The following RASSF6 variants were observed in gnomAD, a reference collection of about 807,000 sequenced individuals.
The protein encoded by RASSF6 is Ras association domain family member 6.
RASSF6 carries 52 observed loss-of-function variants against 44.0 expected under a neutral mutation model. The ratio of observed to expected loss-of-function variants is 1.18; its 90% CI spans 0.95 to 1.49. The LOEUF (loss-of-function observed/expected upper bound fraction) is 1.49, where lower values mean the gene tolerates loss of function less well. Ranked by LOEUF, RASSF6 falls within the 40% of genes most tolerant of loss-of-function variation. The probability of loss-of-function intolerance (pLI) is 0.00; values close to 1 mark genes in which losing one functional copy is unlikely to be tolerated. For synonymous variants in RASSF6, 162 were observed against 124.6 expected (o/e 1.30, Z -2.00); for missense variants, 464 against 393.3 (o/e 1.18, Z -1.52).
At chr4:73,593,819 G>A (rs1337784058) in intron 3 of RASSF6, among the ~76,000 whole-genome samples, 2 of 152,100 alleles carry the variant, frequency 1.3e-5, no homozygotes, top group Non-Finnish European at 2.9e-5. Flanking sequence ...AAATCATAAT[G>A]GTAATGGCAT....
At chr4:73,588,913 C>G (rs569850842) in intron 4 of RASSF6, among the ~76,000 whole-genome samples, 3 of 152,076 alleles carry the variant, frequency 2.0e-5, no homozygotes, top group Middle Eastern at 3.4e-3. Flanking sequence ...TTGCTATTAT[C>G]TAAGAATCTC....
intron 1 of RASSF6, among the ~76,000 whole-genome samples, chr4:73,612,360 A>G (rs1726069286): frequency 6.6e-6 from 1 of 152,110 alleles, no homozygotes; most frequent in African/African-American, 2.4e-5. Flanking sequence ...TGTAAAGTAT[A>G]ATATTTTCTG....
At chr4:73,609,026 C>T (rs1038540319) in intron 2 of RASSF6, among the ~76,000 whole-genome samples, 1 of 152,154 alleles carries the variant, frequency 6.6e-6, no homozygotes, top group Non-Finnish European at 1.5e-5. Flanking sequence ...TTTATTACAT[C>T]ATGTTAATTA....
In RASSF6 at chr4:73,590,813, A is replaced by G. The variant is rs571757413; in HGVS notation, c.287+2638T>C. 1.2e-4 allele frequency among the ~76,000 whole-genome samples: 18 copies of G among 152,344 alleles called. No homozygotes were observed. The East Asian group carries it at 2.9e-3, about 24-fold the overall frequency. On this transcript the variant is annotated intron_variant, in intron 4 of 10. Coordinates refer to ENST00000307439, the MANE Select transcript of RASSF6 (RefSeq NM_177532.5). ...TTCTACAGTTAATCTTGTTACTGGA[A>G]AAGGACAAGCCAGTCAAGGTTTCTA...
chr4:73,598,106 CT>C (rs1725055765), intron 3 of RASSF6, among the ~76,000 whole-genome samples: 1 of 152,170 alleles, frequency 6.6e-6, no homozygotes, highest in Non-Finnish European at 1.5e-5. Context: ...ACTTGTACCC[CT>C]GAACTTAAAA....
intron 8 of RASSF6, among the ~76,000 whole-genome samples, chr4:73,581,596 CTCTT>C (rs1367638800): frequency 6.6e-6 from 1 of 152,182 alleles, no homozygotes; most frequent in African/African-American, 2.4e-5. Context: ...AACAAGCAAA[CTCTT>C]TCATATAATC....
chr4:73,588,447 T>C (rs1560446182), intron 4 of RASSF6, among the ~76,000 whole-genome samples: 1 of 151,972 alleles, frequency 6.6e-6, no homozygotes, highest in African/African-American at 2.4e-5. Flanking sequence ...AGGAGGAAAA[T>C]GTATGAGAAT....
rs1723020143 is a variant in RASSF6 at position 73,573,358 on chromosome 4, C to T, written c.*2877G>A. 6.6e-6 allele frequency: 1 copy of T among 152,178 alleles called. No homozygotes were observed. The highest frequency in any genetic ancestry group is 1.5e-5 in the Non-Finnish European group (1 of 68,056). The allele number at this position is 152,178 out of a possible 1,614,324, so 9.4% of individuals were successfully genotyped here. On this transcript the variant is annotated 3_prime_UTR_variant, in exon 11 of 11. Transcript: ENST00000307439. ...GGCCAGGCTGGTCTCGAAATCCCAA[C>T]CTCAAGTGATCCACCTACCTTGGCC...
At chr4:73,619,809 G>C (rs140637644) in intron 1 of RASSF6, among the ~76,000 whole-genome samples, 8 of 151,730 alleles carry the variant, frequency 5.3e-5, no homozygotes, top group Non-Finnish European at 1.0e-4. Flanking sequence ...TTGGTGGGGG[G>C]CATGCTTTCT....
chr4:73,606,634 T>A (rs1041356477), intron 2 of RASSF6, among the ~76,000 whole-genome samples: 1 of 36,214 alleles, frequency 2.8e-5, no homozygotes, highest in African/African-American at 8.6e-5. Context: ...GAGACAAGCC[T>A]TATAGTTTTT....
chr4:73,585,210 G>A lies in RASSF6; in HGVS notation c.537C>T (p.Ala179=), dbSNP rs1723984140. 8 of 1,609,314 alleles carry A rather than the reference G, an allele frequency of 5.0e-6. No homozygotes were observed. The highest frequency in any genetic ancestry group is 6.8e-6 in the Non-Finnish European group (8 of 1,178,020). ...MDRKERQKNR[A]SINGHFYNHE... ...GGTTATAGAAGTGTCCATTAATAGA[G>A]GCTCTATTTTTCTGTCTTTCTTTTC... The change falls in exon 6 of 11, where the codon GCC becomes GCT. Residue 179 remains alanine, a synonymous_variant. Coordinates refer to ENST00000307439, the MANE Select transcript of RASSF6 (RefSeq NM_177532.5).
chr4:73,599,867 C>T (rs1369371902), intron 2 of RASSF6, among the ~76,000 whole-genome samples: 1 of 152,058 alleles, frequency 6.6e-6, no homozygotes, highest in Non-Finnish European at 1.5e-5. Flanking sequence ...CTTCTGTTAC[C>T]TCTTTCATCT....
At chr4:73,617,083 T>C (rs1726412053) in intron 1 of RASSF6, among the ~76,000 whole-genome samples, 1 of 152,208 alleles carries the variant, frequency 6.6e-6, no homozygotes, top group Non-Finnish European at 1.5e-5. Flanking sequence ...AGAGTTGGCA[T>C]ATATACAAAC....
At chr4:73,586,088 A>G (rs1724066203) in intron 5 of RASSF6, among the ~76,000 whole-genome samples, 1 of 149,198 alleles carries the variant, frequency 6.7e-6, no homozygotes, top group South Asian at 2.1e-4. Flanking sequence ...CTCTTTGAGA[A>G]GCTATTTATA....
chr4:73,582,367 T>C (rs1050553740), intron 6 of RASSF6, 77 bp from the exon 7 acceptor site: 1 of 623,618 alleles, frequency 1.6e-6, no homozygotes, highest in East Asian at 3.1e-5. Flanking sequence ...CATAATCTTC[T>C]TATAGGGCAA....
intron 2 of RASSF6, among the ~76,000 whole-genome samples, chr4:73,600,520 A>C (rs1725211528): frequency 6.6e-6 from 1 of 151,896 alleles, no homozygotes; most frequent in Admixed American, 6.6e-5. Flanking sequence ...CACTTTATTC[A>C]CTCCTGTGTT....
intron 8 of RASSF6, among the ~76,000 whole-genome samples, chr4:73,579,392 T>C (rs1445297239): frequency 6.6e-6 from 1 of 152,162 alleles, no homozygotes; most frequent in Admixed American, 6.5e-5. Context: ...AGTCATATTT[T>C]CACTAGTGTT....
intron 5 of RASSF6, among the ~76,000 whole-genome samples, chr4:73,586,588 AT>A: frequency 6.6e-6 from 1 of 152,042 alleles, no homozygotes; most frequent in East Asian, 1.9e-4. Context: ...ATGTGGTGGC[AT>A]TTGTGTTTTA....
rs904835713 is a variant in RASSF6 at position 73,575,445 on chromosome 4, A to G, written c.*790T>C. On this transcript the variant is annotated 3_prime_UTR_variant, in exon 11 of 11. Transcript: ENST00000307439. ...CTTTATCCATTGTATTCATTCAGCA[A>G]CAAATAGGTATTTGTGGGCCAAGTC... 1 of 152,172 alleles carries G rather than the reference A, an allele frequency of 6.6e-6. No homozygotes were observed. The highest frequency in any genetic ancestry group is 2.4e-5 in the African/African-American group (1 of 41,432). The allele number at this position is 152,172 out of a possible 1,614,324, so 9.4% of individuals were successfully genotyped here. A position where few individuals can be genotyped will look rare whatever the true frequency, so the allele number is the denominator to read the frequency against.
Sources: gnomAD v4.1 joint callset for allele counts (sites outside exome capture counted in the v4.1 genomes callset) on GRCh38, gnomAD v4.1.1 for gene constraint, MANE v1.5 for transcripts, NCBI Gene and HGNC (gene_info 2026-07-23, HGNC 2026-07-21) for gene names.